The following WDR49 variants were observed in gnomAD, a reference collection of about 807,000 sequenced individuals.
The protein encoded by WDR49 is cilia- and flagella-associated protein 337.
In WDR49, 107 loss-of-function variants were observed where a neutral mutation model predicts 119.5. That is an observed-to-expected ratio of 0.90 (90% CI 0.77 to 1.05). WDR49 has a LOEUF of 1.05. WDR49 is among the 50% of genes least tolerant of loss of function. The pLI, the probability that WDR49 is intolerant of heterozygous loss-of-function variation, is 0.00. For synonymous variants in WDR49, 425 were observed against 418.8 expected, an observed-to-expected ratio of 1.01 and a Z score of -0.18; for missense variants, 1,240 against 1,220.5, an observed-to-expected ratio of 1.02 and a Z score of -0.24.
chr3:167,528,524 AAAAT>A (rs989871838), intron 14 of WDR49, among the ~76,000 whole-genome samples: 12 of 149,000 alleles, frequency 8.1e-5, no homozygotes, highest in Non-Finnish European at 1.5e-4. Context: ...TACAAAAAGT[AAAAT>A]AAATAAAATA....
Position 167,480,230 on chromosome 3 carries a change from CAGAG to C in WDR49, c.3032-1238_3032-1235del, listed in dbSNP as rs1465151171. Among the ~76,000 whole-genome samples, 3 of 99,130 alleles carry C rather than the reference CAGAG, an allele frequency of 3.0e-5. No individual in the cohort carries two copies. The East Asian group carries it at 9.4e-4, about 31-fold the overall frequency. 65.0% of individuals were successfully genotyped at this position (99,130 alleles called of 152,430 possible). ...AGCCATCGCACTCCAGCCCAAGCAA[CAGAG>C]AGAGACTCTGTCTAAAAAAAAAAAA... On this transcript the variant is annotated intron_variant, in intron 18 of 18. Transcript: ENST00000682715.
At chr3:167,515,560 C>T (rs1028671656) in intron 16 of WDR49, among the ~76,000 whole-genome samples, 1 of 152,144 alleles carries the variant, frequency 6.6e-6, no homozygotes, top group Non-Finnish European at 1.5e-5. Flanking sequence ...TGGAGGCATT[C>T]CCCTTGAAAA....
chr3:167,650,254 G>A (rs1024509780), intron 2 of WDR49, among the ~76,000 whole-genome samples: 5 of 152,142 alleles, frequency 3.3e-5, no homozygotes, highest in African/African-American at 1.2e-4. Context: ...GGCTTTTGGA[G>A]TTTCAAAGAA....
chr3:167,538,227 G>C (rs767822195), intron 10 of WDR49, among the ~76,000 whole-genome samples: 7 of 151,974 alleles, frequency 4.6e-5, no homozygotes, highest in Non-Finnish European at 8.8e-5. Context: ...CCAGTTGACA[G>C]TTCTGTATAA....
intron 18 of WDR49, among the ~76,000 whole-genome samples, chr3:167,486,138 C>A (rs1577190093): frequency 1.3e-5 from 2 of 152,190 alleles, no homozygotes; most frequent in East Asian, 3.9e-4. Context: ...AATTTCATAT[C>A]CCTCCACACC....
intron 7 of WDR49, among the ~76,000 whole-genome samples, chr3:167,588,921 C>T (rs1174680884): frequency 5.3e-5 from 8 of 152,110 alleles, no homozygotes; most frequent in South Asian, 4.1e-4. Context: ...TACTTTGCTG[C>T]GCAGAAGCAT....
intron 16 of WDR49, among the ~76,000 whole-genome samples, chr3:167,512,572 C>T (rs1752020432): frequency 6.6e-6 from 1 of 152,098 alleles, no homozygotes; most frequent in African/African-American, 2.4e-5. Flanking sequence ...ATGATTGTAA[C>T]ACCTCTCCAG....
intron 2 of WDR49, among the ~76,000 whole-genome samples, chr3:167,651,478 G>A (rs138169585): frequency 6.6e-5 from 10 of 152,218 alleles, no homozygotes; most frequent in African/African-American, 1.2e-4. Flanking sequence ...TTAGGTGTCC[G>A]TGCTGTGTTT....
chr3:167,629,591 T>C (rs1421326011), intron 2 of WDR49, among the ~76,000 whole-genome samples: 1 of 152,140 alleles, frequency 6.6e-6, no homozygotes, highest in Admixed American at 6.6e-5. Context: ...CCATAGACAA[T>C]GATTCCTCTG....
At chr3:167,587,962 T>C (rs1049018143) in intron 7 of WDR49, among the ~76,000 whole-genome samples, 1 of 152,090 alleles carries the variant, frequency 6.6e-6, no homozygotes, top group African/African-American at 2.4e-5. Context: ...AATCCAATTA[T>C]ATTATGTTAG....
At chr3:167,599,963 TCC>T (rs1001825684) in intron 7 of WDR49, among the ~76,000 whole-genome samples, 22 of 152,214 alleles carry the variant, frequency 1.4e-4, no homozygotes, top group African/African-American at 5.3e-4. Context: ...GATGGGTCCT[TCC>T]AGGACTCGGT....
At chr3:167,495,672 G>A (rs922032916) in intron 18 of WDR49, among the ~76,000 whole-genome samples, 3 of 151,442 alleles carry the variant, frequency 2.0e-5, no homozygotes, top group Non-Finnish European at 2.9e-5. Flanking sequence ...ATTGAAAAAA[G>A]ATGCATTTGA....
intron 16 of WDR49, among the ~76,000 whole-genome samples, chr3:167,521,329 A>G (rs1320587541): frequency 6.6e-6 from 1 of 152,188 alleles, no homozygotes; most frequent in African/African-American, 2.4e-5. Context: ...TGGGGTCATC[A>G]AAGAACCCTC....
intron 16 of WDR49, among the ~76,000 whole-genome samples, chr3:167,520,444 G>A (rs1752397551): frequency 6.6e-6 from 1 of 152,106 alleles, no homozygotes; most frequent in Admixed American, 6.5e-5. Flanking sequence ...AGTAGGGTAG[G>A]TGGGTGGGGA....
intron 9 of WDR49, among the ~76,000 whole-genome samples, chr3:167,558,540 ACTACTAAATT>A (rs1284055935): frequency 2.0e-5 from 3 of 152,210 alleles, no homozygotes. Flanking sequence ...CAGTTATTAT[ACTACTAAATT>A]CACATTAACT....
intron 18 of WDR49, among the ~76,000 whole-genome samples, chr3:167,485,597 A>G (rs1022668872): frequency 1.1e-4 from 16 of 152,048 alleles, no homozygotes. Flanking sequence ...TTAAAAATTT[A>G]CTACAAGGAT....
At chr3:167,650,742 C>T (rs1718336693) in intron 2 of WDR49, among the ~76,000 whole-genome samples, 1 of 152,088 alleles carries the variant, frequency 6.6e-6, no homozygotes, top group Non-Finnish European at 1.5e-5. Context: ...GGTTTAACTT[C>T]TACTTACTAA....
rs1716814718 is a variant in WDR49, at chr3:167,620,471, T to C, written c.916A>G (p.Ile306Val). The C allele has an allele frequency of 1.3e-6, 2 of 1,536,008 alleles. No individual in the cohort carries two copies. Residue 306 changes from isoleucine to valine, a missense_variant, in exon 5 of 19, where the codon ATA becomes GTA. Ile to Val is a conservative substitution (Grantham distance 29). Transcript: ENST00000682715. ...CCTTGATGAAGTTTATGCTCTAATA[T>C]ATGGCAACATTTGTGACATCCAGAG... ...LLSGCHKCCHILEHKLHQGDW... is the reference protein window; with the variant it reads ...LLSGCHKCCHVLEHKLHQGDW...
At chr3:167,502,950 CT>C (rs1194953649) in intron 17 of WDR49, among the ~76,000 whole-genome samples, 1 of 152,184 alleles carries the variant, frequency 6.6e-6, no homozygotes, top group African/African-American at 2.4e-5. Flanking sequence ...CTAAAGAGAT[CT>C]GTATAACTAA....
Sources: gnomAD v4.1 joint callset for allele counts (sites outside exome capture counted in the v4.1 genomes callset) on GRCh38, gnomAD v4.1.1 for gene constraint, MANE v1.5 for transcripts, NCBI Gene and HGNC (gene_info 2026-07-23, HGNC 2026-07-21) for gene names.